The following KCND2 variants were observed in gnomAD, a reference collection of about 807,000 sequenced individuals.
KCND2 encodes the protein potassium voltage-gated channel subfamily D member 2, also known as A-type voltage-gated potassium channel KCND2.
KCND2 carries 16 observed loss-of-function variants against 54.4 expected under a neutral mutation model. That is an observed-to-expected ratio of 0.29 (90% CI 0.20 to 0.45). The LOEUF is 0.45. Among genes scored for constraint, KCND2 ranks in the 20% least tolerant of loss-of-function variants. The pLI is 1.00. For synonymous variants in KCND2, 317 were observed against 310.7 expected (o/e 1.02, Z -0.21); for missense variants, 486 against 824.2 (o/e 0.59, Z 5.02).
At chr7:120,422,259 A>C (rs915328334) in intron 1 of KCND2, among the ~76,000 whole-genome samples, 3 of 152,200 alleles carry the variant, frequency 2.0e-5, no homozygotes, top group East Asian at 3.9e-4. Context: ...TTAAAATTTA[A>C]AACTTTTTGT....
At chr7:120,371,116 G>A (rs563305103) in intron 1 of KCND2, among the ~76,000 whole-genome samples, 6 of 152,102 alleles carry the variant, frequency 3.9e-5, no homozygotes, top group East Asian at 1.9e-4. Context: ...ATGCCACACC[G>A]TACACTTCCT....
intron 1 of KCND2, among the ~76,000 whole-genome samples, chr7:120,550,131 T>C (rs1792088566): frequency 6.6e-6 from 1 of 151,916 alleles, no homozygotes; most frequent in African/African-American, 2.4e-5. Flanking sequence ...CCACCCCCAC[T>C]CCACGCCATA....
chr7:120,477,766 T>A (rs1173204194), intron 1 of KCND2, among the ~76,000 whole-genome samples: 1 of 152,086 alleles, frequency 6.6e-6, no homozygotes, highest in Admixed American at 6.6e-5. Flanking sequence ...TGAACTTGAG[T>A]TGACTGAAGT....
chr7:120,358,463 C>A (rs1215901068), intron 1 of KCND2, among the ~76,000 whole-genome samples: 1 of 152,126 alleles, frequency 6.6e-6, no homozygotes, highest in Non-Finnish European at 1.5e-5. Flanking sequence ...TGAATTCAAA[C>A]TTTTCAGATT....
At chr7:120,581,633 C>T (rs1309849584) in intron 1 of KCND2, among the ~76,000 whole-genome samples, 1 of 152,086 alleles carries the variant, frequency 6.6e-6, no homozygotes, top group Non-Finnish European at 1.5e-5. Flanking sequence ...TAGTTTGTAG[C>T]TTTAGTGTTA....
intron 2 of KCND2, among the ~76,000 whole-genome samples, chr7:120,734,911 G>A (rs1356618368): frequency 6.6e-6 from 1 of 152,038 alleles, no homozygotes; most frequent in Non-Finnish European, 1.5e-5. Context: ...AACAATGTCA[G>A]CCTCTTAAGT....
At position 120,322,836 on chromosome 7, in the gene KCND2, G is replaced by T. The variant is rs185906362; in HGVS notation, c.1115+47089G>T. Among the ~76,000 whole-genome samples the T allele has an allele frequency of 6.7e-3, 1,013 of 151,998 alleles. 5 individuals are homozygous for T. Among genetic ancestry groups the T allele is most frequent in the Middle Eastern group, 0.024 (7 of 294 alleles). ...CTGAATACACGGTGTTTAAGGGTTA[G>T]ATCAATCAATTCTTTGTTTTTTATC... On this transcript the variant is annotated intron_variant, in intron 1 of 5. Transcript: ENST00000331113.
intron 1 of KCND2, among the ~76,000 whole-genome samples, chr7:120,535,029 A>C (rs1442488344): frequency 2.0e-5 from 3 of 152,158 alleles, no homozygotes; most frequent in Non-Finnish European, 4.4e-5. Flanking sequence ...AACTGATACA[A>C]ATATAGTTGA....
intron 1 of KCND2, among the ~76,000 whole-genome samples, chr7:120,677,599 G>A (rs888970581): frequency 2.7e-5 from 4 of 149,520 alleles, no homozygotes; most frequent in Non-Finnish European, 5.9e-5. Context: ...AATACTCAAT[G>A]CTAATTTAAC....
At chr7:120,723,263 G>C (rs1316402850) in intron 1 of KCND2, among the ~76,000 whole-genome samples, 1 of 152,106 alleles carries the variant, frequency 6.6e-6, no homozygotes, top group East Asian at 1.9e-4. Flanking sequence ...TTTACTTGAT[G>C]GACTAATTTT....
intron 1 of KCND2, among the ~76,000 whole-genome samples, chr7:120,444,263 C>T (rs901734789): frequency 3.9e-5 from 6 of 152,072 alleles, no homozygotes; most frequent in African/African-American, 1.4e-4. Flanking sequence ...GGAAGGACAA[C>T]ACCTCCCTCC....
At chr7:120,590,371 A>AT (rs1792655578) in intron 1 of KCND2, among the ~76,000 whole-genome samples, 1 of 152,242 alleles carries the variant, frequency 6.6e-6, no homozygotes, top group Non-Finnish European at 1.5e-5. Flanking sequence ...TTGATCAGTC[A>AT]TAAAAAAGAT....
intron 1 of KCND2, among the ~76,000 whole-genome samples, chr7:120,496,058 C>T (rs890622587): frequency 3.9e-5 from 6 of 151,976 alleles, no homozygotes; most frequent in African/African-American, 9.7e-5. Flanking sequence ...GAGTCATTAT[C>T]GAAGGTTGTT....
intron 1 of KCND2, among the ~76,000 whole-genome samples, chr7:120,526,170 T>A (rs1224818547): frequency 6.6e-6 from 1 of 152,216 alleles, no homozygotes; most frequent in African/African-American, 2.4e-5. Context: ...TTATGAATTT[T>A]CATGTACAAT....
At chr7:120,400,528 G>A (rs1200717284) in intron 1 of KCND2, among the ~76,000 whole-genome samples, 1 of 152,104 alleles carries the variant, frequency 6.6e-6, no homozygotes, top group Non-Finnish European at 1.5e-5. Context: ...CCCATAGCCT[G>A]TTAAATGACT....
At chr7:120,543,671 G>A (rs1271258836) in intron 1 of KCND2, among the ~76,000 whole-genome samples, 1 of 151,920 alleles carries the variant, frequency 6.6e-6, no homozygotes, top group Non-Finnish European at 1.5e-5. Flanking sequence ...AGAGACTATT[G>A]TAATGTATGT....
chr7:120,725,547 T>C (rs1792722715), intron 1 of KCND2, among the ~76,000 whole-genome samples: 1 of 152,196 alleles, frequency 6.6e-6, no homozygotes, highest in Non-Finnish European at 1.5e-5. Context: ...GGCAATTTAC[T>C]GGAAATACTT....
chr7:120,624,840 A>G (rs77784653), intron 1 of KCND2, among the ~76,000 whole-genome samples: 4,300 of 152,160 alleles, frequency 0.028, 169 homozygotes, highest in African/African-American at 0.09. Context: ...TATCTTCCAT[A>G]GTAGATAAAA....
chr7:120,664,423 G>T (rs1489790143), intron 1 of KCND2, among the ~76,000 whole-genome samples: 2 of 151,414 alleles, frequency 1.3e-5, no homozygotes, highest in African/African-American at 4.9e-5. Context: ...CTATACTTAT[G>T]GTATAATTCA....
Sources: gnomAD v4.1 joint callset for allele counts (sites outside exome capture counted in the v4.1 genomes callset) on GRCh38, gnomAD v4.1.1 for gene constraint, MANE v1.5 for transcripts, NCBI Gene and HGNC (gene_info 2026-07-23, HGNC 2026-07-21) for gene names.